The following NMNAT2 variants were observed in gnomAD, a reference collection of about 807,000 sequenced individuals.
NMNAT2 encodes nicotinamide nucleotide adenylyltransferase 2.
Under a neutral mutation model 41.6 loss-of-function variants are expected in NMNAT2, and 11 were observed. The ratio of observed to expected loss-of-function variants is 0.26; its 90% confidence interval spans 0.17 to 0.44. The LOEUF is 0.44. NMNAT2 is among the 20% of genes least tolerant of loss of function. The pLI is 1.00. For missense variants in NMNAT2, 288 were observed against 407.7 expected (o/e 0.71, Z 2.53); for synonymous variants, 148 against 151.2 (o/e 0.98, Z 0.16).
chr1:183,286,098 TCTCA>T (rs1488942744), intron 5 of NMNAT2, among the ~76,000 whole-genome samples: 1 of 152,120 alleles, frequency 6.6e-6, no homozygotes, highest in Non-Finnish European at 1.5e-5. Flanking sequence ...TGAGACAGGG[TCTCA>T]CTCTGTCTCC....
At chr1:183,338,417 A>T (rs1047044241) in intron 1 of NMNAT2, among the ~76,000 whole-genome samples, 1 of 152,120 alleles carries the variant, frequency 6.6e-6, no homozygotes, top group Non-Finnish European at 1.5e-5. Flanking sequence ...ATAGCATAGG[A>T]GTTTCTATTT....
intron 1 of NMNAT2, among the ~76,000 whole-genome samples, chr1:183,388,356 C>T (rs565235198): frequency 6.6e-6 from 1 of 152,308 alleles, no homozygotes; most frequent in South Asian, 2.1e-4. Flanking sequence ...TGGGGCCCTT[C>T]TAGGGCTTTC....
At chr1:183,357,725 G>A (rs1373809856) in intron 1 of NMNAT2, among the ~76,000 whole-genome samples, 1 of 152,050 alleles carries the variant, frequency 6.6e-6, no homozygotes, top group East Asian at 1.9e-4. Flanking sequence ...ATCTCATTGT[G>A]GTTTTGATTT....
At chr1:183,254,581 G>A (rs1660471698) in intron 10 of NMNAT2, among the ~76,000 whole-genome samples, 1 of 152,012 alleles carries the variant, frequency 6.6e-6, no homozygotes, top group Non-Finnish European at 1.5e-5. Flanking sequence ...AAGACTTCAG[G>A]CACATGCTAC....
intron 1 of NMNAT2, among the ~76,000 whole-genome samples, chr1:183,373,820 G>C (rs1361345954): frequency 6.6e-6 from 1 of 152,054 alleles, no homozygotes; most frequent in East Asian, 1.9e-4. Context: ...GTTTTACCAT[G>C]TTGGCCAAGC....
intron 1 of NMNAT2, among the ~76,000 whole-genome samples, chr1:183,370,486 C>T (rs1663511735): frequency 1.3e-5 from 2 of 152,122 alleles, no homozygotes; most frequent in Non-Finnish European, 2.9e-5. Flanking sequence ...TGACAGACAG[C>T]AGAAACTCAA....
At position 183,284,631 on chromosome 1, in the gene NMNAT2, G is replaced by C. The variant is rs1425630573; in HGVS notation, c.529+79C>G. 3.3e-6 allele frequency: 4 copies of C among 1,230,132 alleles called. No homozygotes were observed. In the African/African-American group the frequency reaches 4.4e-5, roughly 14 times the overall value. The allele number at this position is 1,230,132 out of a possible 1,614,324, so 76.2% of individuals were successfully genotyped here. A position where few individuals can be genotyped will look rare whatever the true frequency, so the allele number is the denominator to read the frequency against. ...AATTTGCGGTGGGGGGAATGTGCTTGAGGATCTTTGCTGAAGGAATGAAGG... is the reference window on the plus strand; with the variant it reads ...AATTTGCGGTGGGGGGAATGTGCTTCAGGATCTTTGCTGAAGGAATGAAGG... On this transcript the variant is annotated intron_variant, in intron 6 of 10. Transcript: ENST00000287713.
At chr1:183,348,221 T>C (rs1662973650) in intron 1 of NMNAT2, among the ~76,000 whole-genome samples, 1 of 152,242 alleles carries the variant, frequency 6.6e-6, no homozygotes, top group African/African-American at 2.4e-5. Context: ...TAGAGGTTTT[T>C]TTTTTCTGGT....
chr1:183,270,029 A>C (rs1198260673), intron 8 of NMNAT2, among the ~76,000 whole-genome samples: 1 of 152,058 alleles, frequency 6.6e-6, no homozygotes, highest in African/African-American at 2.4e-5. Context: ...GACTACAGGC[A>C]CCCGCAACCA....
intron 1 of NMNAT2, among the ~76,000 whole-genome samples, chr1:183,417,763 C>A (rs1451612273): frequency 6.6e-6 from 1 of 152,188 alleles, no homozygotes; most frequent in African/African-American, 2.4e-5. Flanking sequence ...GAGCTTTCGG[C>A]CCATCCTAAA....
intron 3 of NMNAT2, 110 bp from the exon 4 acceptor site, chr1:183,290,316 T>C (rs1661507982): frequency 3.8e-6 from 3 of 789,762 alleles, no homozygotes; most frequent in Non-Finnish European, 4.1e-6. Context: ...GGCCATACCA[T>C]GCGCTTAGAT....
At chr1:183,376,350 GA>G (rs1184272373) in intron 1 of NMNAT2, among the ~76,000 whole-genome samples, 4 of 152,188 alleles carry the variant, frequency 2.6e-5, no homozygotes, top group Admixed American at 6.5e-5. Context: ...AGAGCTATGT[GA>G]AAAAACAGCC....
At chr1:183,372,737 G>T (rs1663576418) in intron 1 of NMNAT2, among the ~76,000 whole-genome samples, 1 of 152,136 alleles carries the variant, frequency 6.6e-6, no homozygotes, top group Non-Finnish European at 1.5e-5. Flanking sequence ...GAATCCAAAG[G>T]CGTGATCCTG....
chr1:183,347,959 A>G (rs1261504577), intron 1 of NMNAT2, among the ~76,000 whole-genome samples: 2 of 152,150 alleles, frequency 1.3e-5, no homozygotes, highest in African/African-American at 4.8e-5. Context: ...AAATGGGGAC[A>G]TGTCCACTAA....
chr1:183,267,620 G>A (rs1015902336), intron 8 of NMNAT2, among the ~76,000 whole-genome samples: 5 of 152,176 alleles, frequency 3.3e-5, no homozygotes, highest in Non-Finnish European at 5.9e-5. Context: ...GAGTGGGGGG[G>A]TGTAAGGGCA....
chr1:183,273,524 G>A (rs969704128), intron 8 of NMNAT2, among the ~76,000 whole-genome samples: 2 of 152,200 alleles, frequency 1.3e-5, no homozygotes, highest in African/African-American at 2.4e-5. Context: ...TAAAATGGGC[G>A]TTTCCAGGCA....
At chr1:183,281,945 G>A (rs1330223) in intron 7 of NMNAT2, among the ~76,000 whole-genome samples, 6 of 152,042 alleles carry the variant, frequency 3.9e-5, no homozygotes, top group African/African-American at 1.2e-4. Flanking sequence ...CCCAGGTCAC[G>A]CTGATCCAGG....
At chr1:183,373,684 C>T (rs1373584914) in intron 1 of NMNAT2, among the ~76,000 whole-genome samples, 2 of 150,212 alleles carry the variant, frequency 1.3e-5, no homozygotes, top group African/African-American at 4.9e-5. Flanking sequence ...GTGGTGCCAT[C>T]TCGGCTCACT....
At chr1:183,374,480 C>A (rs1663630058) in intron 1 of NMNAT2, among the ~76,000 whole-genome samples, 1 of 152,218 alleles carries the variant, frequency 6.6e-6, no homozygotes, top group South Asian at 2.1e-4. Flanking sequence ...CTGTGATTCA[C>A]ATCTGAGCTT....
Sources: gnomAD v4.1 joint callset for allele counts (sites outside exome capture counted in the v4.1 genomes callset) on GRCh38, gnomAD v4.1.1 for gene constraint, MANE v1.5 for transcripts, NCBI Gene and HGNC (gene_info 2026-07-23, HGNC 2026-07-21) for gene names.